The following SLC44A5 variants were observed in gnomAD, a reference collection of about 807,000 sequenced individuals.
The protein encoded by SLC44A5 is solute carrier family 44 member 5, also known as choline transporter-like protein 5.
SLC44A5 carries 57 observed loss-of-function variants against 101.8 expected under a neutral mutation model. The observed-to-expected ratio is 0.56, with a 90% CI of 0.45 to 0.70. The LOEUF is 0.70. Among genes scored for constraint, SLC44A5 ranks in the 30% least tolerant of loss-of-function variants. The pLI is 0.00. For missense variants in SLC44A5, 737 were observed against 853.1 expected (o/e 0.86, Z 1.70); for synonymous variants, 281 against 290.9 (o/e 0.97, Z 0.35).
At chr1:75,415,136 C>T (rs562567773) in intron 2 of SLC44A5, among the ~76,000 whole-genome samples, 22 of 152,142 alleles carry the variant, frequency 1.4e-4, no homozygotes, top group East Asian at 1.2e-3. Context: ...TGATATTTGA[C>T]GGGTAAAAGT....
chr1:75,384,805 A>T (rs1337044943), intron 3 of SLC44A5, among the ~76,000 whole-genome samples: 14 of 148,538 alleles, frequency 9.4e-5, no homozygotes, highest in African/African-American at 3.2e-4. Context: ...ACATACTTGG[A>T]AGTAAAGCTC....
intron 2 of SLC44A5, among the ~76,000 whole-genome samples, chr1:75,508,982 T>A (rs1344312078): frequency 1.3e-5 from 2 of 152,160 alleles, no homozygotes; most frequent in Non-Finnish European, 2.9e-5. Flanking sequence ...TAAAAGGAAA[T>A]ACACGTCATG....
chr1:75,698,247 G>A, the SLC44A5 span, among the ~76,000 whole-genome samples: 1 of 152,180 alleles, frequency 6.6e-6, no homozygotes, highest in Non-Finnish European at 1.5e-5. Flanking sequence ...AGACTTAAAT[G>A]TCCCTGTCTG....
At chr1:75,388,963 GA>G (rs1233220095) in intron 3 of SLC44A5, among the ~76,000 whole-genome samples, 3 of 151,928 alleles carry the variant, frequency 2.0e-5, no homozygotes, top group Non-Finnish European at 4.4e-5. Context: ...CATTGCTCCT[GA>G]ATGACTTTTG....
intron 1 of SLC44A5, among the ~76,000 whole-genome samples, chr1:75,547,992 G>A (rs1401590295): frequency 6.6e-6 from 1 of 152,130 alleles, no homozygotes; most frequent in Admixed American, 6.5e-5. Context: ...ATCATCACAA[G>A]TGTCTTGAAT....
intron 1 of SLC44A5, among the ~76,000 whole-genome samples, chr1:75,575,268 T>G (rs1230867086): frequency 6.6e-6 from 1 of 152,238 alleles, no homozygotes; most frequent in Non-Finnish European, 1.5e-5. Context: ...TATTTGTAAG[T>G]ATGAACTAAA....
intron 1 of SLC44A5, among the ~76,000 whole-genome samples, chr1:75,590,688 G>T (rs1180586952): frequency 2.0e-5 from 3 of 152,192 alleles, no homozygotes; most frequent in Admixed American, 6.5e-5. Context: ...GGCCAGGGGT[G>T]GTGGTGGCTA....
chr1:75,450,667 C>T (rs769638724), intron 2 of SLC44A5, among the ~76,000 whole-genome samples: 1 of 152,246 alleles, frequency 6.6e-6, no homozygotes, highest in Non-Finnish European at 1.5e-5. Context: ...GGTCTATGTA[C>T]GCTATTGCTG....
the SLC44A5 span, among the ~76,000 whole-genome samples, chr1:75,644,468 A>T: frequency 6.6e-6 from 1 of 152,010 alleles, no homozygotes; most frequent in South Asian, 2.1e-4. Context: ...AAAAAAGCTA[A>T]TGTTTCTAAC....
chr1:75,219,299 T>G lies in SLC44A5; in HGVS notation c.1224A>C (p.Pro408=). The change falls in exon 16 of 24, where the codon CCA becomes CCC. Residue 408 remains proline (P), a synonymous_variant. Coordinates refer to ENST00000370859, the MANE Select transcript of SLC44A5 (RefSeq NM_001130058.2). ...SGVPVYKVIA[P]GGHCIHENQT... is the part of the protein sequence containing the mutation. ...GATTTTCATGTATACAATGCCCCCC[T>G]GGAGCTATGACTTTGTATACAGGTA... is the stretch of plus-strand genomic sequence containing the variant. The G allele has an allele frequency of 6.2e-7, 1 of 1,613,398 alleles. No homozygotes were observed. Among genetic ancestry groups the G allele is most frequent in the Non-Finnish European group, 8.5e-7 (1 of 1,179,456 alleles).
intron 2 of SLC44A5, among the ~76,000 whole-genome samples, chr1:75,536,525 C>T (rs1477806298): frequency 2.5e-4 from 36 of 145,420 alleles, no homozygotes; most frequent in African/African-American, 8.7e-4. Context: ...GGCATGAACC[C>T]GGGAAGCGAA....
intron 1 of SLC44A5, among the ~76,000 whole-genome samples, chr1:75,544,929 A>T (rs1671562253): frequency 6.6e-6 from 1 of 152,082 alleles, no homozygotes. Context: ...ATAGGTGTAT[A>T]CACGTGCCAT....
chr1:75,373,126 GA>G (rs1297151735), intron 3 of SLC44A5, among the ~76,000 whole-genome samples: 1 of 152,178 alleles, frequency 6.6e-6, no homozygotes, highest in Non-Finnish European at 1.5e-5. Flanking sequence ...AAAAGATCTA[GA>G]AGATGGCTGA....
At chr1:75,236,953 G>T in intron 11 of SLC44A5, 34 bp downstream of exon 11, 2 of 1,160,200 alleles carry the variant, frequency 1.7e-6, no homozygotes, top group Non-Finnish European at 1.3e-6. Flanking sequence ...TCAGAATGGG[G>T]CTGGAGAAGA....
intron 4 of SLC44A5, among the ~76,000 whole-genome samples, chr1:75,305,791 T>A (rs1018367317): frequency 6.6e-6 from 1 of 152,132 alleles, no homozygotes; most frequent in African/African-American, 2.4e-5. Context: ...ATCGCCACAT[T>A]CTATACTAAA....
At chr1:75,490,394 C>T (rs1458153752) in intron 2 of SLC44A5, among the ~76,000 whole-genome samples, 1 of 152,124 alleles carries the variant, frequency 6.6e-6, no homozygotes, top group Non-Finnish European at 1.5e-5. Context: ...TCTTTGCTCA[C>T]CTACAAATGG....
chr1:75,289,033 G>T (rs1208861061), intron 5 of SLC44A5, among the ~76,000 whole-genome samples: 1 of 152,140 alleles, frequency 6.6e-6, no homozygotes, highest in African/African-American at 2.4e-5. Context: ...TAATGGATAG[G>T]AGAAAAATAT....
At chr1:75,561,258 T>G (rs1232640846) in intron 1 of SLC44A5, among the ~76,000 whole-genome samples, 3 of 152,184 alleles carry the variant, frequency 2.0e-5, no homozygotes, top group Non-Finnish European at 4.4e-5. Flanking sequence ...CAGAGCTTAT[T>G]ATTAGTAAAT....
At chr1:75,254,078 G>A (rs955339327) in intron 6 of SLC44A5, among the ~76,000 whole-genome samples, 4 of 150,738 alleles carry the variant, frequency 2.7e-5, no homozygotes, top group South Asian at 4.2e-4. Context: ...CACTCTTGTC[G>A]CCCAGGCTGG....
Sources: gnomAD v4.1 joint callset for allele counts (sites outside exome capture counted in the v4.1 genomes callset) on GRCh38, gnomAD v4.1.1 for gene constraint, MANE v1.5 for transcripts, NCBI Gene and HGNC (gene_info 2026-07-23, HGNC 2026-07-21) for gene names.